AK4: variants seen among roughly 807,000 people sequenced by gnomAD.
AK4 encodes adenylate kinase 4, also known as adenylate kinase 4, mitochondrial.
A neutral mutation model predicts 24.6 loss-of-function variants in AK4; 13 were observed. The ratio of observed to expected loss-of-function variants is 0.53; its 90% CI spans 0.34 to 0.84. AK4 has a LOEUF of 0.84. AK4 is among the 40% of genes least tolerant of loss of function. AK4 has a pLI of 0.01. For synonymous variants in AK4, 88 were observed against 107.0 expected (o/e 0.82, Z 1.10); for missense variants, 192 against 288.2 (o/e 0.67, Z 2.42).
rs1441737958 is a variant in AK4, at chr1:65,226,084, A to G, written c.579A>G (p.Gln193=). ...ELYKSRGVLH[Q]FSGTETNKIW... ...TCAGGAGCCGAGGAGTGCTCCACCA[A>G]TTTTCCGGAACGGAGACGAACAAAA... The change falls in exon 5 of 5, where the codon CAA becomes CAG. Residue 193 remains glutamine, a synonymous_variant. Transcript: ENST00000327299. 6.2e-7 allele frequency: 1 copy of G among 1,611,838 alleles called. No individual in the cohort carries two copies. Among genetic ancestry groups the G allele is most frequent in the South Asian group, 1.1e-5 (1 of 90,918 alleles).
chr1:65,174,474 A>G (rs2101015257), intron 1 of AK4, among the ~76,000 whole-genome samples: 1 of 152,246 alleles, frequency 6.6e-6, no homozygotes, highest in Middle Eastern at 3.4e-3. Context: ...TTTCTTGGCT[A>G]CAATTTGCCT....
chr1:65,190,776 G>A lies in AK4; in HGVS notation c.212G>A (p.Arg71His), dbSNP rs143331044. 235 of 1,614,146 alleles carry A rather than the reference G, an allele frequency of 1.5e-4. No homozygotes were observed. In the African/African-American group the frequency reaches 2.0e-3, roughly 14 times the overall value. Reference sequence around the variant, plus strand: ...TTGGTTCCAGACCATGTGATCACACGCCTAATGATGTCCGAGTTGGAGAAC... The same window carrying A: ...TTGGTTCCAGACCATGTGATCACACACCTAATGATGTCCGAGTTGGAGAAC... The part of the protein sequence containing the change: ...SLLVPDHVIT[R>H]LMMSELENRR... Residue 71 changes from arginine (R) to histidine (H), a missense_variant, in exon 2 of 5, where the codon CGC becomes CAC. Physicochemically the swap from Arg to His is conservative, Grantham distance 29. Coordinates refer to ENST00000327299, the MANE Select transcript of AK4 (RefSeq NM_013410.4).
chr1:65,148,025 G>A, upstream of AK4: 1 of 177,326 alleles, frequency 5.6e-6, no homozygotes, highest in Non-Finnish European at 1.2e-5. Context: ...TCTCGGACGC[G>A]GCGTGGGGAG....
intron 1 of AK4, among the ~76,000 whole-genome samples, chr1:65,150,286 T>TCTC (rs72449250): frequency 3.6e-5 from 2 of 55,372 alleles, no homozygotes; most frequent in Non-Finnish European, 5.7e-5. Flanking sequence ...TCTCTCTCTC[T>TCTC]TTTTTTTTTT....
rs144825223 is a variant in AK4 at position 65,204,849 on chromosome 1, A to G, written c.266-13905A>G. 1.8e-4 allele frequency among the ~76,000 whole-genome samples: 27 copies of G among 152,276 alleles called. No individual in the cohort carries two copies. The East Asian group carries it at 5.0e-3, about 28-fold the overall frequency. ...TTCCTCAGTTTCTTACATTAAAAAA[A>G]TTTAGGTGAATTCTGTGCACTGGTT... On this transcript the variant is annotated intron_variant, in intron 2 of 4. Coordinates refer to ENST00000327299, the MANE Select transcript of AK4 (RefSeq NM_013410.4).
At chr1:65,199,137 T>C (rs772820958) in intron 2 of AK4, among the ~76,000 whole-genome samples, 2 of 151,900 alleles carry the variant, frequency 1.3e-5, no homozygotes, top group Non-Finnish European at 2.9e-5. Context: ...ATGAATGTTA[T>C]TTTCTTTGTT....
chr1:65,171,607 T>C (rs1248572209), intron 1 of AK4, among the ~76,000 whole-genome samples: 1 of 151,800 alleles, frequency 6.6e-6, no homozygotes, highest in Admixed American at 6.6e-5. Flanking sequence ...GCCCAGCCAA[T>C]AGTTGCTCTT....
rs1426722499 is a variant in AK4 at position 65,227,126 on chromosome 1, C to A, written c.*949C>A. ...CTACATAAATGTTGTAAGATCATAT[C>A]TTATGTATAGAAGTAATAAGACCAT... On this transcript the variant is annotated 3_prime_UTR_variant, in exon 5 of 5. Coordinates refer to ENST00000327299, the MANE Select transcript of AK4 (RefSeq NM_013410.4). 1.4e-5 allele frequency: 2 copies of A among 139,512 alleles called. No homozygotes were observed. Among genetic ancestry groups the A allele is most frequent in the East Asian group, 4.1e-4 (2 of 4,882 alleles). 8.6% of individuals were successfully genotyped at this position (139,512 alleles called of 1,614,324 possible).
chr1:65,188,851 T>G (rs1651194710), intron 1 of AK4, among the ~76,000 whole-genome samples: 1 of 152,130 alleles, frequency 6.6e-6, no homozygotes, highest in Admixed American at 6.5e-5. Context: ...CTTGGCTCAC[T>G]GCAACCTCCG....
intron 2 of AK4, among the ~76,000 whole-genome samples, chr1:65,192,557 A>G (rs1462159735): frequency 1.3e-5 from 2 of 152,166 alleles, no homozygotes; most frequent in Non-Finnish European, 2.9e-5. Context: ...CTCACATGCA[A>G]AATATATTCA....
intron 2 of AK4, among the ~76,000 whole-genome samples, chr1:65,211,943 AG>A (rs1651984185): frequency 6.6e-6 from 1 of 152,208 alleles, no homozygotes; most frequent in Non-Finnish European, 1.5e-5. Flanking sequence ...AGTCTTAACA[AG>A]GCACCACTGG....
chr1:65,210,924 G>A (rs1157244091), intron 2 of AK4, among the ~76,000 whole-genome samples: 2 of 152,172 alleles, frequency 1.3e-5, no homozygotes, highest in Admixed American at 6.5e-5. Context: ...CAAGTAAGTG[G>A]CTTAGCTGGA....
chr1:65,191,952 A>G (rs1237113546), intron 2 of AK4, among the ~76,000 whole-genome samples: 1 of 152,110 alleles, frequency 6.6e-6, no homozygotes, highest in African/African-American at 2.4e-5. Context: ...AAAAGAATTG[A>G]TAGGAGTTGT....
chr1:65,222,859 G>C (rs557966960), intron 3 of AK4, among the ~76,000 whole-genome samples: 13 of 152,232 alleles, frequency 8.5e-5, no homozygotes, highest in African/African-American at 2.6e-4. Context: ...CCTTTTGACA[G>C]GTTTATTTCT....
chr1:65,206,785 C>A (rs1651826854), intron 2 of AK4, among the ~76,000 whole-genome samples: 2 of 152,186 alleles, frequency 1.3e-5, no homozygotes, highest in Non-Finnish European at 2.9e-5. Context: ...TCAAACAAAA[C>A]AAAAGAAACA....
At chr1:65,175,034 TTTCTC>T (rs1410578086) in intron 1 of AK4, among the ~76,000 whole-genome samples, 2 of 152,226 alleles carry the variant, frequency 1.3e-5, no homozygotes, top group Non-Finnish European at 2.9e-5. Context: ...TGTATAATAT[TTTCTC>T]TTTTTGTGTG....
intron 2 of AK4, among the ~76,000 whole-genome samples, chr1:65,213,792 T>G (rs1361651394): frequency 6.6e-6 from 1 of 152,168 alleles, no homozygotes. Context: ...GCCCCCCCAG[T>G]ACCTCAGATT....
rs1192528765 is a variant in AK4, at chr1:65,227,193, G to A, written c.*1016G>A. The A allele has an allele frequency of 1.6e-5, 2 of 128,266 alleles. No homozygotes were observed. The highest frequency in any genetic ancestry group is 2.2e-4 in the East Asian group (1 of 4,458). 7.9% of individuals were successfully genotyped at this position (128,266 alleles called of 1,614,324 possible). A position where few individuals can be genotyped will look rare whatever the true frequency, so the allele number is the denominator to read the frequency against. On this transcript the variant is annotated 3_prime_UTR_variant, in exon 5 of 5. Coordinates refer to ENST00000327299, the MANE Select transcript of AK4 (RefSeq NM_013410.4). ...AATTGAATAGTTAAGGTTTCTATTC[G>A]GGACAATAAAATGTATTTTGAAAGT...
chr1:65,166,596 C>T (rs1650337681), intron 1 of AK4, among the ~76,000 whole-genome samples: 1 of 152,142 alleles, frequency 6.6e-6, no homozygotes, highest in Admixed American at 6.5e-5. Flanking sequence ...GATCAAGGCT[C>T]ACCGCAGCTT....
Sources: gnomAD v4.1 joint callset for allele counts (sites outside exome capture counted in the v4.1 genomes callset) on GRCh38, gnomAD v4.1.1 for gene constraint, MANE v1.5 for transcripts, NCBI Gene and HGNC (gene_info 2026-07-23, HGNC 2026-07-21) for gene names.